HCN1: variants seen among roughly 807,000 people sequenced by gnomAD.
HCN1 encodes the protein hyperpolarization activated cyclic nucleotide gated potassium channel 1.
A neutral mutation model predicts 78.9 loss-of-function variants in HCN1; 13 were observed. That is an observed-to-expected ratio of 0.16 (90% confidence interval 0.11 to 0.26). The LOEUF is 0.26. Among genes scored for constraint, HCN1 ranks in the 10% least tolerant of loss-of-function variants. The probability of loss-of-function intolerance (pLI) is 1.00; values close to 1 mark genes in which losing one functional copy is unlikely to be tolerated. For synonymous variants in HCN1, 552 were observed against 455.5 expected (o/e 1.21, Z -2.70); for missense variants, 810 against 1,154.3 (o/e 0.70, Z 4.32).
intron 2 of HCN1, among the ~76,000 whole-genome samples, chr5:45,491,532 T>A (rs1741886801): frequency 6.6e-6 from 1 of 152,222 alleles, no homozygotes; most frequent in Non-Finnish European, 1.5e-5. Flanking sequence ...AGTTACTTAT[T>A]AAGAGACTTC....
intron 2 of HCN1, among the ~76,000 whole-genome samples, chr5:45,489,252 G>T (rs949228509): frequency 6.6e-6 from 1 of 152,134 alleles, no homozygotes; most frequent in African/African-American, 2.4e-5. Context: ...AGAATTAATA[G>T]TTTTCTGTGT....
chr5:45,280,410 T>C (rs1745134094), intron 6 of HCN1, among the ~76,000 whole-genome samples: 1 of 152,200 alleles, frequency 6.6e-6, no homozygotes. Flanking sequence ...TTCCAATATA[T>C]AAAACTGAAT....
intron 2 of HCN1, among the ~76,000 whole-genome samples, chr5:45,545,016 A>T (rs1743182487): frequency 6.6e-6 from 1 of 152,160 alleles, no homozygotes; most frequent in Non-Finnish European, 1.5e-5. Context: ...TCCCTGAGGA[A>T]TCGCCACACT....
intron 2 of HCN1, among the ~76,000 whole-genome samples, chr5:45,483,921 C>T (rs906726876): frequency 3.3e-5 from 5 of 152,042 alleles, no homozygotes; most frequent in Non-Finnish European, 7.4e-5. Context: ...GAAAATCAGA[C>T]GTTTGTAGGT....
At chr5:45,552,957 CA>C (rs1266315193) in intron 2 of HCN1, among the ~76,000 whole-genome samples, 1 of 151,842 alleles carries the variant, frequency 6.6e-6, no homozygotes, top group Non-Finnish European at 1.5e-5. Context: ...TAATCACAAT[CA>C]AAGTGAAGTT....
intron 4 of HCN1, among the ~76,000 whole-genome samples, chr5:45,355,697 G>T (rs1397539478): frequency 6.6e-6 from 1 of 151,894 alleles, no homozygotes; most frequent in Non-Finnish European, 1.5e-5. Flanking sequence ...CAAATGAGGC[G>T]AAAAGGCTAA....
rs1744774611 is a variant in HCN1 at position 45,262,673 on chromosome 5, A to G, written c.1921T>C (p.Tyr641His). 9 of 1,613,996 alleles carry G rather than the reference A, an allele frequency of 5.6e-6. No homozygotes were observed. The highest frequency in any genetic ancestry group is 7.6e-6 in the Non-Finnish European group (9 of 1,179,984). ...GAATTCAGGGTTGTCATTTGAGGAT[A>G]ATTGATGGGAGCGATTGCCTGCACC... ...EMVQAIAPIN[Y>H]PQMTTLNSTS... The change falls in exon 8 of 8, where the codon TAT (tyrosine) becomes CAT (histidine). Residue 641 changes from tyrosine (Y) to histidine (H), a missense_variant. Tyr to His is a moderately conservative substitution (Grantham distance 83). This residue lies in a region of HCN1 where 398 missense variants were observed against 381.3 expected (regional missense o/e 1.04). Coordinates refer to ENST00000303230, the MANE Select transcript of HCN1 (RefSeq NM_021072.4).
chr5:45,282,910 G>A (rs959559399), intron 6 of HCN1, among the ~76,000 whole-genome samples: 1 of 152,096 alleles, frequency 6.6e-6, no homozygotes, highest in African/African-American at 2.4e-5. Context: ...GAGTTGACAT[G>A]TTTGTCTATT....
At chr5:45,317,294 T>A (rs954572928) in intron 5 of HCN1, among the ~76,000 whole-genome samples, 2 of 151,820 alleles carry the variant, frequency 1.3e-5, no homozygotes, top group African/African-American at 4.8e-5. Context: ...TTTGACAAAC[T>A]TGACAAAAAC....
At chr5:45,618,378 A>C in intron 2 of HCN1, among the ~76,000 whole-genome samples, 1 of 152,080 alleles carries the variant, frequency 6.6e-6, no homozygotes, top group East Asian at 1.9e-4. Flanking sequence ...CTGAACTAGA[A>C]GCCTATAGTG....
intron 2 of HCN1, among the ~76,000 whole-genome samples, chr5:45,517,453 C>T (rs953440291): frequency 2.8e-5 from 4 of 145,248 alleles, no homozygotes; most frequent in South Asian, 2.2e-4. Context: ...TATTTTCCTA[C>T]GTATACATTA....
chr5:45,645,012 C>A, intron 2 of HCN1, 173 bp downstream of exon 2: 1 of 556,988 alleles, frequency 1.8e-6, no homozygotes, highest in East Asian at 2.9e-5. Context: ...ATTATTTGAT[C>A]ATATATTTTA....
chr5:45,656,346 C>T (rs1745764445), intron 1 of HCN1, among the ~76,000 whole-genome samples: 1 of 152,086 alleles, frequency 6.6e-6, no homozygotes, highest in South Asian at 2.1e-4. Context: ...AAAACATGAA[C>T]AAATCAATAA....
intron 2 of HCN1, among the ~76,000 whole-genome samples, chr5:45,520,114 G>A (rs138672119): frequency 6.6e-6 from 1 of 152,082 alleles, no homozygotes; most frequent in Admixed American, 6.6e-5. Context: ...TCACATATGT[G>A]TGCTTAGGTT....
At chr5:45,310,978 A>G (rs1160806183) in intron 5 of HCN1, among the ~76,000 whole-genome samples, 1 of 152,136 alleles carries the variant, frequency 6.6e-6, no homozygotes, top group Non-Finnish European at 1.5e-5. Context: ...ACACATGGAC[A>G]TACAGAGAGG....
intron 6 of HCN1, among the ~76,000 whole-genome samples, chr5:45,288,699 T>C (rs959592895): frequency 7.2e-5 from 11 of 152,088 alleles, no homozygotes; most frequent in African/African-American, 2.7e-4. Context: ...CATTAAATCG[T>C]GCTTAGGTTC....
chr5:45,500,504 T>C (rs1245578322), intron 2 of HCN1, among the ~76,000 whole-genome samples: 4 of 152,196 alleles, frequency 2.6e-5, no homozygotes, highest in South Asian at 2.1e-4. Flanking sequence ...TGCAAACATA[T>C]GGGTAAAGGA....
chr5:45,525,404 G>T (rs1353161125), intron 2 of HCN1, among the ~76,000 whole-genome samples: 1 of 151,638 alleles, frequency 6.6e-6, no homozygotes, highest in African/African-American at 2.4e-5. Context: ...AAGAAAAACT[G>T]GGTAACATTT....
rs1405926648 is a variant in HCN1 at position 45,275,851 on chromosome 5, C to T, written c.1619-8598G>A. ...CCACAATTTTTCTGCTTCTATCTGTCTTTAAAAATTCACCAGACCATTCCA... is the reference window on the plus strand; with the variant it reads ...CCACAATTTTTCTGCTTCTATCTGTTTTTAAAAATTCACCAGACCATTCCA... On this transcript the variant is annotated intron_variant, in intron 6 of 7. Coordinates refer to ENST00000303230, the MANE Select transcript of HCN1 (RefSeq NM_021072.4). Among the ~76,000 whole-genome samples the T allele has an allele frequency of 2.0e-5, 3 of 152,224 alleles. No homozygotes were observed. The East Asian group carries it at 5.8e-4, about 29-fold the overall frequency.
Sources: allele counts gnomAD v4.1 joint callset (sites outside exome capture counted in the v4.1 genomes callset), GRCh38; gene constraint gnomAD v4.1.1; regional missense constraint gnomAD v4.1.1; transcripts MANE v1.5; gene names NCBI Gene and HGNC (gene_info 2026-07-23, HGNC 2026-07-21).